The following CUEDC1 variants were observed in gnomAD, a reference collection of about 807,000 sequenced individuals.
CUEDC1 encodes CUE domain-containing protein 1.
In CUEDC1, 30 loss-of-function variants were observed where a neutral mutation model predicts 43.7. The observed-to-expected ratio is 0.69, with a 90% CI of 0.51 to 0.93. CUEDC1 has a LOEUF of 0.93. Ranked by LOEUF, CUEDC1 falls within the 40% of genes least tolerant of loss-of-function variation. CUEDC1 has a pLI of 0.00. For missense variants in CUEDC1, 486 were observed against 549.0 expected (o/e 0.89, Z 1.15); for synonymous variants, 223 against 223.6 (o/e 1.00, Z 0.02).
chr17:57,949,541 T>G (rs1598030025), intron 1 of CUEDC1, among the ~76,000 whole-genome samples: 1 of 107,726 alleles, frequency 9.3e-6, no homozygotes, highest in Admixed American at 1.1e-4. Context: ...ACCCCCGAGC[T>G]CAGTAGGGGT....
chr17:57,894,756 T>C (rs1393741457), intron 1 of CUEDC1, among the ~76,000 whole-genome samples: 1 of 152,206 alleles, frequency 6.6e-6, no homozygotes, highest in East Asian at 1.9e-4. Context: ...TGTGGCCAAG[T>C]CTGTAGCCAA....
chr17:57,913,813 C>T (rs2074610184), intron 1 of CUEDC1, among the ~76,000 whole-genome samples: 1 of 152,222 alleles, frequency 6.6e-6, no homozygotes, highest in African/African-American at 2.4e-5. Flanking sequence ...GCCAGCACCC[C>T]ACCCCAGCAT....
chr17:57,952,962 C>T (rs540756167), intron 1 of CUEDC1, among the ~76,000 whole-genome samples: 2 of 152,238 alleles, frequency 1.3e-5, no homozygotes, highest in South Asian at 2.1e-4. Flanking sequence ...GCAGGCCAGG[C>T]CTCCTCTGGC....
chr17:57,867,257 C>T (rs1251883351), intron 9 of CUEDC1, 100 bp downstream of exon 9: 20 of 1,129,928 alleles, frequency 1.8e-5, no homozygotes, highest in Middle Eastern at 3.8e-4. Context: ...TGTGTTCCTC[C>T]AGGGGACAGG....
chr17:57,867,767 A>G (rs1199354488), intron 8 of CUEDC1: 2 of 477,514 alleles, frequency 4.2e-6, no homozygotes, highest in Non-Finnish European at 7.6e-6. Context: ...AGGGAGGGCC[A>G]ACATGCTTGG....
chr17:57,884,890 T>C (rs530561713), intron 2 of CUEDC1, among the ~76,000 whole-genome samples: 187 of 152,294 alleles, frequency 1.2e-3, no homozygotes, highest in African/African-American at 4.2e-3. Flanking sequence ...TGGAGTTCAG[T>C]ATGTTGGGGT....
At chr17:57,911,724 A>T (rs1343863973) in intron 1 of CUEDC1, among the ~76,000 whole-genome samples, 1 of 152,102 alleles carries the variant, frequency 6.6e-6, no homozygotes, top group Non-Finnish European at 1.5e-5. Flanking sequence ...GCCTGACTCA[A>T]GTGATCTCCT....
rs1190830085 is a variant in CUEDC1, at chr17:57,893,698, G to A, written c.-315-7819C>T. On this transcript the variant is annotated intron_variant, in intron 1 of 10. Coordinates refer to ENST00000577830, the MANE Select transcript of CUEDC1 (RefSeq NM_001271875.2). ...GGAGAAAAGAGGCCACTGGACCTTA[G>A]GGGAGGAGGAGGAGGAGCAGGGGAG... Among the ~76,000 whole-genome samples, 6 of 152,242 alleles carry A rather than the reference G, an allele frequency of 3.9e-5. No homozygotes were observed. In the East Asian group the frequency reaches 9.6e-4, roughly 24 times the overall value.
At chr17:57,907,203 C>G (rs1262099577) in intron 1 of CUEDC1, among the ~76,000 whole-genome samples, 2 of 152,104 alleles carry the variant, frequency 1.3e-5, no homozygotes, top group Admixed American at 6.5e-5. Flanking sequence ...GGGGAGACAG[C>G]ACTGCAGGGA....
intron 1 of CUEDC1, among the ~76,000 whole-genome samples, chr17:57,934,784 T>C (rs530453712): frequency 2.0e-5 from 3 of 152,286 alleles, no homozygotes; most frequent in South Asian, 2.1e-4. Context: ...TTCGGCTCAC[T>C]GCAGCCTCTA....
At position 57,939,822 on chromosome 17, in the gene CUEDC1, T is replaced by C. The variant is rs557231065; in HGVS notation, c.-316+15403A>G. 3.8e-4 allele frequency among the ~76,000 whole-genome samples: 58 copies of C among 152,154 alleles called. 1 individual carries two copies. The South Asian group carries it at 0.012, about 30-fold the overall frequency. ...AGGGTTACTGGAAAGTGGACGGGTG[T>C]ATTTGGGAGCTGAGGGGCCATACCA... On this transcript the variant is annotated intron_variant, in intron 1 of 10. Coordinates refer to ENST00000577830, the MANE Select transcript of CUEDC1 (RefSeq NM_001271875.2).
rs535541158 is a variant in CUEDC1, at chr17:57,884,345, G to A, written c.336+884C>T. ...CCCGAGTAGCTGGGACTACAGGTGC[G>A]CACCACCACGCCTGGCTAATTTTTG... On this transcript the variant is annotated intron_variant, in intron 2 of 10. Transcript: ENST00000577830. 1.8e-3 allele frequency among the ~76,000 whole-genome samples: 265 copies of A among 151,388 alleles called. 3 individuals carry two copies. The highest frequency in any genetic ancestry group is 2.9e-3 in the Non-Finnish European group (195 of 67,808).
intron 3 of CUEDC1, among the ~76,000 whole-genome samples, chr17:57,874,994 G>C (rs2074096104): frequency 1.3e-5 from 2 of 152,126 alleles, no homozygotes; most frequent in African/African-American, 4.8e-5. Flanking sequence ...TCCCTGCACA[G>C]ACACAGGGGG....
chr17:57,887,898 CTTT>C (rs748886251), intron 1 of CUEDC1, among the ~76,000 whole-genome samples: 1 of 118,028 alleles, frequency 8.5e-6, no homozygotes, highest in Non-Finnish European at 1.8e-5. Context: ...TTCTTTTTCT[CTTT>C]TTTTTTTTTT....
At chr17:57,909,680 G>A (rs906376020) in intron 1 of CUEDC1, among the ~76,000 whole-genome samples, 3 of 152,230 alleles carry the variant, frequency 2.0e-5, no homozygotes, top group Non-Finnish European at 2.9e-5. Context: ...CAGGGCCCAG[G>A]CCTCAGAGGA....
chr17:57,938,353 G>A (rs2074881481), intron 1 of CUEDC1, among the ~76,000 whole-genome samples: 1 of 152,108 alleles, frequency 6.6e-6, no homozygotes, highest in African/African-American at 2.4e-5. Flanking sequence ...CCCTGTGCTG[G>A]CCCCGGCCCT....
Position 57,872,837 on chromosome 17 carries a change from TGGGGCCCCCA to T in CUEDC1, c.600_609del (p.Gly201SerfsTer43). The T allele has an allele frequency of 6.2e-7, 1 of 1,613,358 alleles. No individual in the cohort carries two copies. The highest frequency in any genetic ancestry group is 8.5e-7 in the Non-Finnish European group (1 of 1,179,758). ...GGACATCCCTCTCCACTCCCAGGCT[TGGGGCCCCCA>T]GCGTTACCCTGAGGAGGGAAGCGAG... On this transcript the variant is annotated frameshift_variant, in exon 5 of 11. Transcript: ENST00000577830. LOFTEE classifies it high-confidence loss of function.
chr17:57,940,381 A>G (rs1236592352), intron 1 of CUEDC1, among the ~76,000 whole-genome samples: 1 of 152,088 alleles, frequency 6.6e-6, no homozygotes, highest in Non-Finnish European at 1.5e-5. Flanking sequence ...TCTCTCCTCT[A>G]CATTTGCCAG....
chr17:57,928,415 G>A (rs2074769695), intron 1 of CUEDC1, among the ~76,000 whole-genome samples: 1 of 152,046 alleles, frequency 6.6e-6, no homozygotes, highest in African/African-American at 2.4e-5. Flanking sequence ...CAGGCGTGGT[G>A]GCGGGTGCCT....
Sources: gnomAD v4.1 joint callset for allele counts (sites outside exome capture counted in the v4.1 genomes callset) on GRCh38, gnomAD v4.1.1 for gene constraint, MANE v1.5 for transcripts, NCBI Gene and HGNC (gene_info 2026-07-23, HGNC 2026-07-21) for gene names.